CNTN1: variants seen among roughly 807,000 people sequenced by gnomAD.
CNTN1 encodes the protein contactin-1.
CNTN1 carries 38 observed loss-of-function variants against 126.4 expected under a neutral mutation model. The observed-to-expected ratio is 0.30, with a 90% CI of 0.23 to 0.39. The LOEUF (loss-of-function observed/expected upper bound fraction) is 0.39, where lower values mean the gene tolerates loss of function less well. Among genes scored for constraint, CNTN1 ranks in the 10% least tolerant of loss-of-function variants. CNTN1 has a pLI of 1.00. For missense variants in CNTN1, 1,009 were observed against 1,248.4 expected, an observed-to-expected ratio of 0.81 and a Z score of 2.89; for synonymous variants, 413 against 422.6, an observed-to-expected ratio of 0.98 and a Z score of 0.28.
At chr12:40,732,264 A>G (rs1217665340) in intron 1 of CNTN1, among the ~76,000 whole-genome samples, 1 of 152,038 alleles carries the variant, frequency 6.6e-6, no homozygotes, top group Non-Finnish European at 1.5e-5. Context: ...CTTTGAAAAC[A>G]TCTTATTAAA....
At chr12:40,989,512 GATATT>G (rs1948049592) in intron 16 of CNTN1, among the ~76,000 whole-genome samples, 2 of 152,054 alleles carry the variant, frequency 1.3e-5, no homozygotes, top group South Asian at 4.2e-4. Flanking sequence ...TGGAGTGATG[GATATT>G]ATGTGGTGGG....
rs1318540743 is a variant in CNTN1 at position 40,937,620 on chromosome 12, A to G, written c.1161A>G (p.Gly387=). The G allele has an allele frequency of 1.2e-6, 2 of 1,613,160 alleles. No individual in the cohort carries two copies. The highest frequency in any genetic ancestry group is 3.3e-5 in the Admixed American group (2 of 59,938). The change falls in exon 11 of 24, where the codon GGA becomes GGG. Residue 387 remains glycine (G), a synonymous_variant. Transcript: ENST00000551295. ...ATGATGTGACTTTTGAAAATGCCGGAATGTATCAGTGCATAGCTGAAAACA... is the reference window on the plus strand; with the variant it reads ...ATGATGTGACTTTTGAAAATGCCGGGATGTATCAGTGCATAGCTGAAAACA... ...RLYDVTFENA[G]MYQCIAENTY...
At chr12:40,891,890 T>C (rs913524669) in intron 1 of CNTN1, among the ~76,000 whole-genome samples, 1 of 152,140 alleles carries the variant, frequency 6.6e-6, no homozygotes, top group Non-Finnish European at 1.5e-5. Flanking sequence ...CTTCTCTATG[T>C]AAACCTTAGA....
rs552377996 is a variant in CNTN1, at chr12:40,977,599, A to G, written c.1805-3310A>G. ...AACAGATCCCTGGAATGACTGACAAAGTACTAATTAATAACTCCTGCCAGG... is the reference window on the plus strand; with the variant it reads ...AACAGATCCCTGGAATGACTGACAAGGTACTAATTAATAACTCCTGCCAGG... On this transcript the variant is annotated intron_variant, in intron 15 of 23. Transcript: ENST00000551295. Among the ~76,000 whole-genome samples the G allele has an allele frequency of 1.2e-4, 18 of 152,278 alleles. No individual in the cohort carries two copies. In the East Asian group the frequency reaches 3.5e-3, roughly 29 times the overall value.
intron 23 of CNTN1, among the ~76,000 whole-genome samples, chr12:41,051,522 G>C (rs1462703871): frequency 1.3e-5 from 2 of 151,256 alleles, no homozygotes; most frequent in Admixed American, 1.3e-4. Context: ...CTTAGACTGA[G>C]GGCAATTAAA....
intron 1 of CNTN1, among the ~76,000 whole-genome samples, chr12:40,708,976 C>T (rs891977084): frequency 2.0e-5 from 3 of 152,164 alleles, no homozygotes; most frequent in East Asian, 3.9e-4. Context: ...ACTGATACTT[C>T]GATTTGACTT....
At chr12:40,823,936 C>T (rs1941530826) in intron 1 of CNTN1, among the ~76,000 whole-genome samples, 1 of 151,974 alleles carries the variant, frequency 6.6e-6, no homozygotes, top group African/African-American at 2.4e-5. Context: ...AAAATATTTT[C>T]CTCATCACCA....
chr12:40,799,788 GT>G (rs773181314), intron 1 of CNTN1, among the ~76,000 whole-genome samples: 110 of 151,976 alleles, frequency 7.2e-4, no homozygotes, highest in Admixed American at 1.2e-3. Context: ...TGCTTGGTAC[GT>G]TTTTTTCATG....
intron 23 of CNTN1, among the ~76,000 whole-genome samples, chr12:41,056,716 A>G (rs1021472387): frequency 2.4e-4 from 37 of 151,810 alleles, no homozygotes; most frequent in African/African-American, 8.7e-4. Context: ...AAATAAACTC[A>G]GATTACTTTC....
At chr12:40,869,587 T>C (rs1028793338) in intron 1 of CNTN1, among the ~76,000 whole-genome samples, 1 of 152,124 alleles carries the variant, frequency 6.6e-6, no homozygotes, top group Non-Finnish European at 1.5e-5. Flanking sequence ...CTTTTTTATA[T>C]ACATATATTA....
intron 1 of CNTN1, among the ~76,000 whole-genome samples, chr12:40,769,318 T>G (rs1429467873): frequency 6.6e-6 from 1 of 152,158 alleles, no homozygotes; most frequent in Non-Finnish European, 1.5e-5. Flanking sequence ...AGGGGAAGAA[T>G]AACATTGCAC....
At chr12:41,036,710 A>C (rs143711806) in intron 23 of CNTN1, among the ~76,000 whole-genome samples, 34 of 152,304 alleles carry the variant, frequency 2.2e-4, no homozygotes, top group African/African-American at 7.9e-4. Context: ...TTTCATTTTC[A>C]GTATTATGAT....
At chr12:40,737,592 G>A (rs950276521) in intron 1 of CNTN1, among the ~76,000 whole-genome samples, 13 of 151,402 alleles carry the variant, frequency 8.6e-5, no homozygotes, top group Non-Finnish European at 1.6e-4. Context: ...CTTTATATTC[G>A]CCGGCAGCTG....
chr12:40,933,849 A>T lies in CNTN1; in HGVS notation c.956A>T (p.Asp319Val). 6.2e-7 allele frequency: 1 copy of T among 1,612,260 alleles called. No homozygotes were observed. Among genetic ancestry groups the T allele is most frequent in the Non-Finnish European group, 8.5e-7 (1 of 1,178,686 alleles). The change falls in exon 9 of 24, where the codon GAT becomes GTT. Residue 319 changes from aspartate to valine, a missense_variant. Asp to Val is a radical substitution (Grantham distance 152). Coordinates refer to ENST00000551295, the MANE Select transcript of CNTN1 (RefSeq NM_001843.4). Reference sequence around the variant, plus strand: ...GAGGCTGAGAACATTAGAGGAAAGGATAAACATCAAGCAAGAATTTATGTT... The same window carrying T: ...GAGGCTGAGAACATTAGAGGAAAGGTTAAACATCAAGCAAGAATTTATGTT... Reference protein sequence around the residue: ...ECEAENIRGKDKHQARIYVQA... With the variant: ...ECEAENIRGKVKHQARIYVQA...
intron 1 of CNTN1, among the ~76,000 whole-genome samples, chr12:40,879,053 T>C (rs997600823): frequency 6.6e-6 from 1 of 152,186 alleles, no homozygotes; most frequent in Non-Finnish European, 1.5e-5. Context: ...CGAGGTCACA[T>C]ATCCCAGCCT....
intron 12 of CNTN1, among the ~76,000 whole-genome samples, chr12:40,940,283 A>T (rs1380907565): frequency 1.1e-4 from 17 of 152,020 alleles, no homozygotes. Context: ...GCAGAAACTG[A>T]AATCAGTGTG....
chr12:40,789,160 A>T lies in CNTN1; in HGVS notation c.-77+96568A>T, dbSNP rs1940137548. ...ATATAGATAATAAAATCTGCTTTTT[A>T]AATTTCTTTGTGTGACTTTCTGCTA... is the stretch of plus-strand genomic sequence containing the variant. On this transcript the variant is annotated intron_variant, in intron 1 of 23. Coordinates refer to ENST00000551295, the MANE Select transcript of CNTN1 (RefSeq NM_001843.4). Among the ~76,000 whole-genome samples the T allele has an allele frequency of 7.9e-5, 12 of 152,134 alleles. 1 individual carries two copies. Among genetic ancestry groups the T allele is most frequent in the Admixed American group, 7.9e-4 (12 of 15,260 alleles).
At chr12:40,920,127 G>A (rs1342950050) in intron 4 of CNTN1, among the ~76,000 whole-genome samples, 1 of 152,096 alleles carries the variant, frequency 6.6e-6, no homozygotes, top group Non-Finnish European at 1.5e-5. Flanking sequence ...TAGATTGATA[G>A]AATCCCAAAA....
intron 1 of CNTN1, among the ~76,000 whole-genome samples, chr12:40,891,017 C>A (rs192740975): frequency 6.6e-6 from 1 of 152,138 alleles, no homozygotes; most frequent in Non-Finnish European, 1.5e-5. Context: ...GGATATGGAA[C>A]AGCAGGAACC....
Sources: allele counts gnomAD v4.1 joint callset (sites outside exome capture counted in the v4.1 genomes callset), GRCh38; gene constraint gnomAD v4.1.1; transcripts MANE v1.5; gene names NCBI Gene and HGNC (gene_info 2026-07-23, HGNC 2026-07-21).